MAGI2: variants seen among roughly 807,000 people sequenced by gnomAD.
MAGI2 encodes membrane-associated guanylate kinase, WW and PDZ domain-containing protein 2.
Under a neutral mutation model 133.3 loss-of-function variants are expected in MAGI2, and 35 were observed. That is an observed-to-expected ratio of 0.26 (90% CI 0.20 to 0.35). MAGI2 has a LOEUF of 0.35. Ranked by LOEUF, MAGI2 falls within the 10% of genes least tolerant of loss-of-function variation. MAGI2 has a pLI of 1.00. For synonymous variants in MAGI2, 729 were observed against 710.6 expected (o/e 1.03, Z -0.41); for missense variants, 1,636 against 1,863.4 (o/e 0.88, Z 2.25).
At chr7:78,696,839 C>T (rs58492277) in intron 2 of MAGI2, among the ~76,000 whole-genome samples, 1 of 152,138 alleles carries the variant, frequency 6.6e-6, no homozygotes, top group African/African-American at 2.4e-5. Flanking sequence ...TTATTTTCAT[C>T]TAGTGATCGA....
intron 1 of MAGI2, among the ~76,000 whole-genome samples, chr7:79,348,737 GA>G (rs1257203962): frequency 1.3e-5 from 2 of 151,312 alleles, no homozygotes; most frequent in African/African-American, 4.9e-5. Context: ...AGCCACTTTT[GA>G]TTTTTCTATT....
chr7:79,281,757 T>G (rs1835659785), intron 1 of MAGI2, among the ~76,000 whole-genome samples: 1 of 152,162 alleles, frequency 6.6e-6, no homozygotes, highest in African/African-American at 2.4e-5. Flanking sequence ...CTTCAATAGA[T>G]CCATGGCAGT....
intron 20 of MAGI2, among the ~76,000 whole-genome samples, chr7:78,093,386 G>A (rs773879976): frequency 4.0e-5 from 6 of 151,612 alleles, no homozygotes; most frequent in Non-Finnish European, 8.8e-5. Flanking sequence ...CCTGGGAGGT[G>A]GAAGTTGCAA....
intron 6 of MAGI2, among the ~76,000 whole-genome samples, chr7:78,463,392 A>G (rs1311901149): frequency 1.3e-5 from 2 of 152,236 alleles, no homozygotes; most frequent in African/African-American, 4.8e-5. Context: ...AGTTCCTGGG[A>G]TAGGATGTTA....
chr7:78,283,887 A>G (rs1795877734), intron 9 of MAGI2, among the ~76,000 whole-genome samples: 2 of 152,164 alleles, frequency 1.3e-5, no homozygotes. Flanking sequence ...ATTCTATTTA[A>G]TTTATGTTAA....
chr7:78,026,267 C>G (rs557528545), intron 21 of MAGI2, among the ~76,000 whole-genome samples: 1 of 152,258 alleles, frequency 6.6e-6, no homozygotes, highest in African/African-American at 2.4e-5. Context: ...CTTCATATGC[C>G]AGAAATAAAA....
chr7:79,185,263 G>A (rs1826976127), intron 1 of MAGI2, among the ~76,000 whole-genome samples: 1 of 151,850 alleles, frequency 6.6e-6, no homozygotes, highest in Admixed American at 6.6e-5. Context: ...GAAATGAAAT[G>A]CGTATCTCCA....
chr7:78,994,808 A>T (rs2116377102), intron 2 of MAGI2, among the ~76,000 whole-genome samples: 1 of 152,210 alleles, frequency 6.6e-6, no homozygotes, highest in East Asian at 1.9e-4. Context: ...TTGCACGTAG[A>T]TGTTTGTTAA....
Position 78,019,318 on chromosome 7 carries a change from TCTG to T in MAGI2, c.4362_4364del (p.Ser1454del). 7 of 1,559,816 alleles carry T rather than the reference TCTG, an allele frequency of 4.5e-6. No homozygotes were observed. Among genetic ancestry groups the T allele is most frequent in the Non-Finnish European group, 6.0e-6 (7 of 1,163,002 alleles). On this transcript the variant is annotated inframe_deletion, in exon 22 of 22. Transcript: ENST00000354212. ...GGGTTGGCCGTGGCCGCGCGGCTCATCTGCTGGCGGCCGAGGCGCCGGGTTTGA... is the reference window on the plus strand; with the variant it reads ...GGGTTGGCCGTGGCCGCGCGGCTCATCTGGCGGCCGAGGCGCCGGGTTTGA...
chr7:79,152,521 T>A (rs1823351499), intron 1 of MAGI2, among the ~76,000 whole-genome samples: 1 of 152,254 alleles, frequency 6.6e-6, no homozygotes, highest in African/African-American at 2.4e-5. Flanking sequence ...TTGGCTACAA[T>A]TCATCACTAG....
intron 3 of MAGI2, among the ~76,000 whole-genome samples, chr7:78,586,217 T>A (rs1186177449): frequency 6.6e-6 from 1 of 152,182 alleles, no homozygotes; most frequent in Non-Finnish European, 1.5e-5. Flanking sequence ...GTTAGTTTCC[T>A]CCCTCTCTGG....
intron 3 of MAGI2, among the ~76,000 whole-genome samples, chr7:78,540,541 G>A (rs35071727): frequency 0.069 from 10,549 of 152,166 alleles, 486 homozygotes; most frequent in Middle Eastern, 0.15. Flanking sequence ...TTCAGGCTCT[G>A]CCCCTCCCCA....
At chr7:79,108,710 G>C (rs146613873) in intron 1 of MAGI2, among the ~76,000 whole-genome samples, 280 of 152,250 alleles carry the variant, frequency 1.8e-3, no homozygotes, top group African/African-American at 6.4e-3. Flanking sequence ...AAAGTGACTT[G>C]ATATAGTTTT....
chr7:78,254,075 C>G (rs569929862), intron 10 of MAGI2: 65 of 152,288 alleles, frequency 4.3e-4, no homozygotes, highest in Middle Eastern at 3.4e-3. Flanking sequence ...AACCAATTCC[C>G]TCATCCCCAA....
chr7:78,670,706 A>G (rs1346122146), intron 2 of MAGI2, among the ~76,000 whole-genome samples: 1 of 152,212 alleles, frequency 6.6e-6, no homozygotes, highest in East Asian at 1.9e-4. Flanking sequence ...ACAGCATGGT[A>G]CCGGTACCAA....
At chr7:78,964,321 A>G (rs893864801) in intron 2 of MAGI2, among the ~76,000 whole-genome samples, 9 of 152,032 alleles carry the variant, frequency 5.9e-5, no homozygotes, top group Non-Finnish European at 8.8e-5. Context: ...ATACTTTTAT[A>G]GCATACTTTT....
At chr7:79,316,559 C>A (rs1838738928) in intron 1 of MAGI2, among the ~76,000 whole-genome samples, 1 of 152,112 alleles carries the variant, frequency 6.6e-6, no homozygotes, top group Admixed American at 6.6e-5. Flanking sequence ...TACAAAGAAG[C>A]TAAGTTTGTC....
intron 1 of MAGI2, among the ~76,000 whole-genome samples, chr7:79,374,470 A>G (rs1843250242): frequency 6.6e-6 from 1 of 151,982 alleles, no homozygotes; most frequent in Non-Finnish European, 1.5e-5. Flanking sequence ...CAATGGGAGC[A>G]TGGCCCCGCC....
At chr7:78,999,102 G>A (rs564002049) in intron 2 of MAGI2, among the ~76,000 whole-genome samples, 1 of 151,900 alleles carries the variant, frequency 6.6e-6, no homozygotes, top group African/African-American at 2.4e-5. Flanking sequence ...TTTCACCTGC[G>A]TTTATGATCA....
Sources: allele counts gnomAD v4.1 joint callset (sites outside exome capture counted in the v4.1 genomes callset), GRCh38; gene constraint gnomAD v4.1.1; transcripts MANE v1.5; gene names NCBI Gene and HGNC (gene_info 2026-07-23, HGNC 2026-07-21).